The following KCNU1 variants were observed in gnomAD, a reference collection of about 807,000 sequenced individuals.
KCNU1 encodes potassium channel subfamily U member 1.
Under a neutral mutation model 126.8 loss-of-function variants are expected in KCNU1, and 93 were observed. The observed-to-expected ratio is 0.73, with a 90% CI of 0.62 to 0.87. The LOEUF is 0.87. Ranked by LOEUF, KCNU1 falls within the 40% of genes least tolerant of loss-of-function variation. KCNU1 has a pLI of 0.00. For synonymous variants in KCNU1, 523 were observed against 494.2 expected (o/e 1.06, Z -0.77); for missense variants, 1,330 against 1,367.1 (o/e 0.97, Z 0.43).
At chr8:36,854,763 T>C (rs1034084340) in intron 18 of KCNU1, among the ~76,000 whole-genome samples, 8 of 152,190 alleles carry the variant, frequency 5.3e-5, no homozygotes, top group Non-Finnish European at 7.4e-5. Context: ...CTTTTTCCTA[T>C]GTATTTTTAT....
intron 14 of KCNU1, among the ~76,000 whole-genome samples, chr8:36,839,252 C>T (rs1309107937): frequency 1.3e-5 from 2 of 152,144 alleles, no homozygotes; most frequent in East Asian, 1.9e-4. Context: ...TAGATCTGAT[C>T]CAACAGGCTT....
At chr8:36,864,556 T>G in intron 19 of KCNU1, 35 bp downstream of exon 19, 1 of 1,240,526 alleles carries the variant, frequency 8.1e-7, no homozygotes, top group South Asian at 1.2e-5. Flanking sequence ...CTCCTATAGT[T>G]TTTTTGAGAA....
At chr8:36,864,581 A>G in intron 19 of KCNU1, 60 bp downstream of exon 19, 1 of 933,020 alleles carries the variant, frequency 1.1e-6, no homozygotes, top group East Asian at 2.4e-5. Context: ...TGGGCCATAT[A>G]TATTGTATTT....
intron 18 of KCNU1, among the ~76,000 whole-genome samples, chr8:36,857,989 G>A (rs1805591283): frequency 6.6e-6 from 1 of 152,022 alleles, no homozygotes; most frequent in South Asian, 2.1e-4. Flanking sequence ...ACAATTTCTA[G>A]AGATTTTCAA....
chr8:36,885,393 A>G (rs1224968691), intron 19 of KCNU1, among the ~76,000 whole-genome samples: 1 of 152,016 alleles, frequency 6.6e-6, no homozygotes, highest in Non-Finnish European at 1.5e-5. Context: ...CGTCTTTAGT[A>G]AAAATACAAA....
At chr8:36,897,584 ATCC>A (rs984077262) in intron 19 of KCNU1, among the ~76,000 whole-genome samples, 2 of 152,078 alleles carry the variant, frequency 1.3e-5, no homozygotes, top group African/African-American at 4.8e-5. Context: ...CAGGGTGAAT[ATCC>A]TCCTTCTTAC....
At position 36,811,100 on chromosome 8, in the gene KCNU1, G is replaced by A. The variant is rs1222726856; in HGVS notation, c.732+2307G>A. The stretch of plus-strand genomic sequence containing the variant: ...TTCAGAAACATGGTGGACAGGACTG[G>A]AGCAAAAATCTTGACATGGAAAATA... On this transcript the variant is annotated intron_variant, in intron 7 of 26. Coordinates refer to ENST00000399881, the MANE Select transcript of KCNU1 (RefSeq NM_001031836.3). Among the ~76,000 whole-genome samples the A allele has an allele frequency of 2.6e-5, 4 of 152,028 alleles. No individual in the cohort carries two copies. In the East Asian group the frequency reaches 7.7e-4, roughly 29 times the overall value.
intron 19 of KCNU1, among the ~76,000 whole-genome samples, chr8:36,900,107 T>C (rs1443469424): frequency 1.3e-5 from 2 of 152,056 alleles, no homozygotes; most frequent in Non-Finnish European, 2.9e-5. Flanking sequence ...TTTTTAAAAT[T>C]TTACCCGGTA....
intron 3 of KCNU1, 71 bp downstream of exon 3, chr8:36,804,159 T>C: frequency 2.1e-6 from 2 of 951,584 alleles, no homozygotes; most frequent in Non-Finnish European, 3.3e-6. Context: ...AATTTTCTCC[T>C]CAGGAATAAT....
chr8:36,862,547 A>G (rs964561429), intron 18 of KCNU1, among the ~76,000 whole-genome samples: 1 of 152,140 alleles, frequency 6.6e-6, no homozygotes, highest in Admixed American at 6.5e-5. Flanking sequence ...TCCCCATACA[A>G]GCTGTTCTGT....
At chr8:36,863,922 C>T (rs903810069) in intron 18 of KCNU1, among the ~76,000 whole-genome samples, 1 of 152,034 alleles carries the variant, frequency 6.6e-6, no homozygotes, top group East Asian at 1.9e-4. Flanking sequence ...TATGCATTTA[C>T]TGTAAGATCG....
intron 19 of KCNU1, among the ~76,000 whole-genome samples, chr8:36,887,461 T>TG (rs929709940): frequency 1.1e-4 from 16 of 150,722 alleles, no homozygotes; most frequent in African/African-American, 3.4e-4. Context: ...TGTTTTTTTT[T>TG]TTTTTTTTGG....
chr8:36,847,355 T>G lies in KCNU1; in HGVS notation c.1891+1456T>G, dbSNP rs371847298. 1.2e-4 allele frequency among the ~76,000 whole-genome samples: 18 copies of G among 152,324 alleles called. No homozygotes were observed. The East Asian group carries it at 2.5e-3, about 21-fold the overall frequency. The stretch of plus-strand genomic sequence containing the variant: ...TCCATCACCTCAAACTTTTGTCATT[T>G]TTGTGTTGTGAACATTCAAAATCCT... On this transcript the variant is annotated intron_variant, in intron 18 of 26. Transcript: ENST00000399881.
intron 2 of KCNU1, among the ~76,000 whole-genome samples, chr8:36,801,565 A>G (rs1387787632): frequency 6.6e-6 from 1 of 151,726 alleles, no homozygotes; most frequent in Non-Finnish European, 1.5e-5. Context: ...TGAACCTTTT[A>G]TGGGATTTCA....
In KCNU1 at chr8:36,931,141, T is replaced by G; in HGVS notation, c.2927T>G (p.Val976Gly). The change falls in exon 25 of 27, where the codon GTT (valine) becomes GGT (glycine). Residue 976 changes from valine (V) to glycine (G), a missense_variant. Around this residue, in one of 3 missense-constraint regions of KCNU1, gnomAD observed 1,054 missense variants for 1,053.9 expected, o/e 1.00. Transcript: ENST00000399881. ...LSLHETILSDVNPRNTFGQLF... is the reference protein window; with the variant it reads ...LSLHETILSDGNPRNTFGQLF... ...TTACACGAAACCATTTTATCAGACG[T>G]TAATGTGAGTCTACTCTTCTCAGAA... is the stretch of plus-strand genomic sequence containing the variant. The G allele has an allele frequency of 6.2e-7, 1 of 1,602,006 alleles. No homozygotes were observed. Among genetic ancestry groups the G allele is most frequent in the South Asian group, 1.1e-5 (1 of 88,832 alleles).
In KCNU1 at chr8:36,932,282, C is replaced by T. The variant is rs193243594; in HGVS notation, c.2932-638C>T. 3.9e-5 allele frequency among the ~76,000 whole-genome samples: 6 copies of T among 152,210 alleles called. 1 individual carries two copies. Among genetic ancestry groups the T allele is most frequent in the Admixed American group, 3.3e-4 (5 of 15,280 alleles). ...CCAGGAAACTGTTGCTAGCAACTTC[C>T]TGTTGGCATCAAAGAGGATGGTAGA... is the stretch of plus-strand genomic sequence containing the variant. On this transcript the variant is annotated intron_variant, in intron 25 of 26. Transcript: ENST00000399881.
At chr8:36,918,760 A>T in intron 22 of KCNU1, 63 bp from the exon 23 acceptor site, 1 of 965,960 alleles carries the variant, frequency 1.0e-6, no homozygotes, top group African/African-American at 1.6e-5. Flanking sequence ...ATATTCTTCT[A>T]CATTTTTGAC....
chr8:36,860,163 C>T (rs919720953), intron 18 of KCNU1, among the ~76,000 whole-genome samples: 10 of 152,044 alleles, frequency 6.6e-5, no homozygotes, highest in South Asian at 2.1e-4. Context: ...CTGCAGTCTC[C>T]GCCTTCGAGG....
At position 36,834,775 on chromosome 8, in the gene KCNU1, T is replaced by C; in HGVS notation, c.1213-11T>C. 6.3e-7 allele frequency: 1 copy of C among 1,590,998 alleles called. No homozygotes were observed. Among genetic ancestry groups the C allele is most frequent in the Non-Finnish European group, 8.6e-7 (1 of 1,160,742 alleles). The stretch of plus-strand genomic sequence containing the variant: ...TTAACAAGATGGCTCCTGTCCGATC[T>C]TGAAGGGTAGGTGGAATCTGCAGAG... On this transcript the variant is annotated splice_polypyrimidine_tract_variant and intron_variant, in intron 11 of 26. Coordinates refer to ENST00000399881, the MANE Select transcript of KCNU1 (RefSeq NM_001031836.3).
Sources: allele counts gnomAD v4.1 joint callset (sites outside exome capture counted in the v4.1 genomes callset), GRCh38; gene constraint gnomAD v4.1.1; regional missense constraint gnomAD v4.1.1; transcripts MANE v1.5; gene names NCBI Gene and HGNC (gene_info 2026-07-23, HGNC 2026-07-21).